CHCHD6: variants seen among roughly 807,000 people sequenced by gnomAD.
The protein encoded by CHCHD6 is MICOS complex subunit MIC25.
Under a neutral mutation model 32.3 loss-of-function variants are expected in CHCHD6, and 28 were observed. The ratio of observed to expected loss-of-function variants is 0.87; its 90% CI spans 0.64 to 1.19. The LOEUF is 1.19. CHCHD6 is among the 50% of genes most tolerant of loss of function. The pLI, the probability that CHCHD6 is intolerant of heterozygous loss-of-function variation, is 0.00. For synonymous variants in CHCHD6, 122 were observed against 117.5 expected, an observed-to-expected ratio of 1.04 and a Z score of -0.25; for missense variants, 333 against 307.0, an observed-to-expected ratio of 1.08 and a Z score of -0.63.
At chr3:126,732,825 T>G (rs1935870250) in intron 3 of CHCHD6, among the ~76,000 whole-genome samples, 1 of 152,324 alleles carries the variant, frequency 6.6e-6, no homozygotes, top group East Asian at 1.9e-4. Context: ...CCAGGTCTCC[T>G]CCTGTTCCTG....
intron 4 of CHCHD6, among the ~76,000 whole-genome samples, chr3:126,812,252 T>C (rs1334573816): frequency 1.3e-5 from 2 of 151,748 alleles, no homozygotes; most frequent in African/African-American, 4.8e-5. Flanking sequence ...TTTGAAGGTG[T>C]AGATTTGGTT....
chr3:126,903,047 A>G (rs1006196), intron 5 of CHCHD6, among the ~76,000 whole-genome samples: 68,689 of 151,952 alleles, frequency 0.45, 17,669 homozygotes, highest in African/African-American at 0.71. Context: ...CCTGCTTGGG[A>G]GCAAGGCCAT....
At position 126,824,560 on chromosome 3, in the gene CHCHD6, C is replaced by CAAAAAAAAAAAAAAAAAAA. The variant is rs71150454; in HGVS notation, c.412-28084_412-28066dup. 2.5e-3 allele frequency among the ~76,000 whole-genome samples: 99 copies of CAAAAAAAAAAAAAAAAAAA among 39,990 alleles called. 13 individuals are homozygous for CAAAAAAAAAAAAAAAAAAA. The highest frequency in any genetic ancestry group is 0.011 in the African/African-American group (78 of 6,800). 26.2% of individuals were successfully genotyped at this position (39,990 alleles called of 152,430 possible). A position where few individuals can be genotyped will look rare whatever the true frequency, so the allele number is the denominator to read the frequency against. Reference sequence around the variant, plus strand: ...TAGGTGATAGAGCAAGACTCTGTCTCAAAAAAAAAAAAAAAAAAAAAGTCA... The same window carrying CAAAAAAAAAAAAAAAAAAA: ...TAGGTGATAGAGCAAGACTCTGTCTCAAAAAAAAAAAAAAAAAAAAAAAAAAAAAAAAAAAAAAAAGTCA... On this transcript the variant is annotated intron_variant, in intron 4 of 7. Transcript: ENST00000290913.
chr3:126,809,989 C>T (rs1316274718), intron 4 of CHCHD6, among the ~76,000 whole-genome samples: 2 of 152,108 alleles, frequency 1.3e-5, no homozygotes, highest in African/African-American at 4.8e-5. Context: ...AAATTGAAAT[C>T]CATGCATAGT....
chr3:126,901,379 C>A (rs992559883), intron 5 of CHCHD6, among the ~76,000 whole-genome samples: 4 of 152,184 alleles, frequency 2.6e-5, no homozygotes, highest in Non-Finnish European at 4.4e-5. Flanking sequence ...TTAGGTTACT[C>A]ATCAGTCCTG....
At chr3:126,884,583 A>T (rs2077654751) in intron 5 of CHCHD6, among the ~76,000 whole-genome samples, 1 of 152,230 alleles carries the variant, frequency 6.6e-6, no homozygotes, top group African/African-American at 2.4e-5. Flanking sequence ...TTCACTGATA[A>T]TTGACCATAG....
chr3:126,800,662 C>T (rs751846990), intron 4 of CHCHD6, among the ~76,000 whole-genome samples: 1 of 152,188 alleles, frequency 6.6e-6, no homozygotes, highest in Non-Finnish European at 1.5e-5. Context: ...GGTTATCCCC[C>T]TGTGAGGATC....
intron 4 of CHCHD6, among the ~76,000 whole-genome samples, chr3:126,835,959 C>T (rs952065505): frequency 2.0e-5 from 3 of 152,218 alleles, no homozygotes; most frequent in African/African-American, 7.2e-5. Flanking sequence ...GTCACAACCA[C>T]AGTTAATATT....
intron 1 of CHCHD6, among the ~76,000 whole-genome samples, chr3:126,721,903 C>G (rs1246425688): frequency 6.6e-6 from 1 of 152,156 alleles, no homozygotes; most frequent in African/African-American, 2.4e-5. Context: ...AAGGTTTCTC[C>G]ATGTTATAAT....
chr3:126,919,621 A>ATTTTTTTTTTTTTTTTTT (rs35228420), intron 6 of CHCHD6, among the ~76,000 whole-genome samples: 2 of 127,212 alleles, frequency 1.6e-5, no homozygotes, highest in South Asian at 2.5e-4. Context: ...GCTGGCCTTC[A>ATTTTTTTTTTTTTTTTTT]TTTTTTTTTT....
At chr3:126,946,199 T>TC (rs1342612669) in intron 6 of CHCHD6, among the ~76,000 whole-genome samples, 1 of 152,032 alleles carries the variant, frequency 6.6e-6, no homozygotes, top group African/African-American at 2.4e-5. Flanking sequence ...GAAGTCGTCA[T>TC]CCCCCAGCAC....
intron 1 of CHCHD6, among the ~76,000 whole-genome samples, chr3:126,709,722 A>T (rs1934666665): frequency 6.6e-6 from 1 of 152,164 alleles, no homozygotes; most frequent in Non-Finnish European, 1.5e-5. Context: ...CGTGGTTTGA[A>T]TTTGCATTTC....
At chr3:126,841,320 C>G (rs1191578790) in intron 4 of CHCHD6, among the ~76,000 whole-genome samples, 1 of 152,056 alleles carries the variant, frequency 6.6e-6, no homozygotes, top group Non-Finnish European at 1.5e-5. Flanking sequence ...GGTTCCAAGT[C>G]TTTGCTATTG....
chr3:126,761,913 C>A (rs1426256967), intron 4 of CHCHD6, among the ~76,000 whole-genome samples: 2 of 152,152 alleles, frequency 1.3e-5, no homozygotes, highest in East Asian at 3.8e-4. Context: ...TCTTTTTCGT[C>A]CAGGTTATCC....
At chr3:126,809,018 C>A (rs996704043) in intron 4 of CHCHD6, among the ~76,000 whole-genome samples, 2 of 151,638 alleles carry the variant, frequency 1.3e-5, no homozygotes, top group Non-Finnish European at 2.9e-5. Flanking sequence ...GTTACCTAGG[C>A]TGGAGTGCAG....
chr3:126,767,795 T>A (rs911569512), intron 4 of CHCHD6, among the ~76,000 whole-genome samples: 3 of 152,166 alleles, frequency 2.0e-5, no homozygotes, highest in African/African-American at 4.8e-5. Context: ...CCCCTCCTAG[T>A]ATCCAAGTGT....
intron 4 of CHCHD6, among the ~76,000 whole-genome samples, chr3:126,828,016 G>A (rs1362134122): frequency 3.3e-5 from 5 of 151,976 alleles, no homozygotes; most frequent in East Asian, 1.9e-4. Flanking sequence ...CTCAGGTCTC[G>A]TTTCTTCTGG....
intron 5 of CHCHD6, among the ~76,000 whole-genome samples, chr3:126,908,716 T>G (rs1253286797): frequency 6.6e-6 from 1 of 152,248 alleles, no homozygotes; most frequent in Non-Finnish European, 1.5e-5. Flanking sequence ...TGGTTGGTTT[T>G]TATGCATTTG....
intron 6 of CHCHD6, among the ~76,000 whole-genome samples, chr3:126,917,640 A>G (rs892331734): frequency 1.3e-5 from 2 of 152,230 alleles, no homozygotes; most frequent in African/African-American, 2.4e-5. Context: ...ACTGTTTGCT[A>G]TGGACTAAAT....
Sources: gnomAD v4.1 joint callset for allele counts (sites outside exome capture counted in the v4.1 genomes callset) on GRCh38, gnomAD v4.1.1 for gene constraint, MANE v1.5 for transcripts, NCBI Gene and HGNC (gene_info 2026-07-23, HGNC 2026-07-21) for gene names.